Variants in CHST12 observed in about 807,000 individuals in gnomAD.
CHST12 encodes carbohydrate sulfotransferase 12.
Under a neutral mutation model 27.9 loss-of-function variants are expected in CHST12, and 23 were observed. The ratio of observed to expected loss-of-function variants is 0.82; its 90% CI spans 0.59 to 1.17. CHST12 has a LOEUF of 1.17. CHST12 is among the 50% of genes most tolerant of loss of function. The probability of loss-of-function intolerance (pLI) is 0.00; values close to 1 mark genes in which losing one functional copy is unlikely to be tolerated. For synonymous variants in CHST12, 322 were observed against 273.0 expected, an observed-to-expected ratio of 1.18 and a Z score of -1.77; for missense variants, 682 against 603.0, an observed-to-expected ratio of 1.13 and a Z score of -1.37.
chr7:2,412,990 T>C (rs540489834), intron 1 of CHST12, among the ~76,000 whole-genome samples: 1 of 152,252 alleles, frequency 6.6e-6, no homozygotes, highest in African/African-American at 2.4e-5. Context: ...TATTTGAGCC[T>C]GATGAAGACA....
chr7:2,432,706 A>C lies in CHST12; in HGVS notation c.67A>C (p.Ile23Leu), dbSNP rs1451715448. Reference protein sequence around the residue: ...LGSVFMILLIIVYWDSAGAAH... With the variant: ...LGSVFMILLILVYWDSAGAAH... ...GTCGGTGTTCATGATCCTGCTGATCATCGTGTACTGGGACAGCGCAGGCGC... is the reference window on the plus strand; with the variant it reads ...GTCGGTGTTCATGATCCTGCTGATCCTCGTGTACTGGGACAGCGCAGGCGC... Residue 23 changes from isoleucine to leucine, a missense_variant, in exon 2 of 2, where the codon ATC (isoleucine) becomes CTC (leucine). Ile to Leu is a conservative substitution (Grantham distance 5). Coordinates refer to ENST00000618655, the MANE Select transcript of CHST12 (RefSeq NM_018641.5). 1.2e-6 allele frequency: 2 copies of C among 1,613,766 alleles called. No homozygotes were observed. Among genetic ancestry groups the C allele is most frequent in the East Asian group, 2.2e-5 (1 of 44,880 alleles).
chr7:2,431,897 C>A (rs914942296), intron 1 of CHST12, among the ~76,000 whole-genome samples: 18 of 152,152 alleles, frequency 1.2e-4, no homozygotes, highest in Middle Eastern at 3.4e-3. Context: ...TTACTTATGA[C>A]ACCAATAGCA....
At chr7:2,408,556 G>A (rs1781583700) in intron 1 of CHST12, among the ~76,000 whole-genome samples, 1 of 152,118 alleles carries the variant, frequency 6.6e-6, no homozygotes, top group African/African-American at 2.4e-5. Context: ...AGAAGCAGAA[G>A]GGCTTGGGCT....
At chr7:2,416,619 C>G (rs116100622) in intron 1 of CHST12, among the ~76,000 whole-genome samples, 1 of 152,052 alleles carries the variant, frequency 6.6e-6, no homozygotes, top group Non-Finnish European at 1.5e-5. Context: ...AGATCTCAGT[C>G]GATTTAGAGG....
At chr7:2,431,865 G>A (rs188974282) in intron 1 of CHST12, among the ~76,000 whole-genome samples, 1 of 152,036 alleles carries the variant, frequency 6.6e-6, no homozygotes, top group Non-Finnish European at 1.5e-5. Context: ...GTGAAGTTAA[G>A]GAATGGTTCC....
At chr7:2,408,468 T>G (rs1224929123) in intron 1 of CHST12, among the ~76,000 whole-genome samples, 1 of 148,214 alleles carries the variant, frequency 6.7e-6, no homozygotes, top group African/African-American at 2.5e-5. Flanking sequence ...AAATCACAAA[T>G]AGGTCATCAC....
In CHST12 at chr7:2,433,398, C is replaced by T; in HGVS notation, c.759C>T (p.Ser253=). The T allele has an allele frequency of 1.2e-6, 2 of 1,609,610 alleles. No individual in the cohort carries two copies. The highest frequency in any genetic ancestry group is 1.7e-6 in the Non-Finnish European group (2 of 1,179,918). The change falls in exon 2 of 2, where the codon TCC becomes TCT. Residue 253 remains serine (S), a synonymous_variant. Transcript: ENST00000618655. The surrounding 1 kb of genome is among the most constrained non-coding windows in gnomAD (Gnocchi z 6.1). ...FVRDPFVRLI[S]AFRSKFELEN... ...GCGACCCCTTCGTGCGCCTGATCTC[C>T]GCCTTCCGCAGCAAGTTCGAGCTGG...
intron 1 of CHST12, among the ~76,000 whole-genome samples, chr7:2,405,465 G>T (rs955466559): frequency 6.6e-6 from 1 of 152,180 alleles, no homozygotes; most frequent in Non-Finnish European, 1.5e-5. Context: ...TTCTGATTGT[G>T]CAGGGGCCTG....
intron 1 of CHST12, among the ~76,000 whole-genome samples, chr7:2,406,220 T>C (rs1164533576): frequency 1.3e-5 from 2 of 152,130 alleles, no homozygotes; most frequent in Admixed American, 6.6e-5. Context: ...GGACTGTGGT[T>C]CTCCAGCCCT....
chr7:2,403,576 C>G, upstream of CHST12: 1 of 149,908 alleles, frequency 6.7e-6, no homozygotes, highest in Non-Finnish European at 1.5e-5. Context: ...GCGCCGGGGG[C>G]GGGGCCGGCG....
At chr7:2,419,327 G>C (rs1781900482) in intron 1 of CHST12, among the ~76,000 whole-genome samples, 1 of 147,924 alleles carries the variant, frequency 6.8e-6, no homozygotes. Flanking sequence ...AGGATCACTT[G>C]AGTGGGGAGG....
chr7:2,434,015 C>T lies in CHST12; in HGVS notation c.*131C>T, dbSNP rs956420243. 3.0e-5 allele frequency: 20 copies of T among 666,038 alleles called. No individual in the cohort carries two copies. The highest frequency in any genetic ancestry group is 5.9e-5 in the Admixed American group (2 of 34,002). The allele number at this position is 666,038 out of a possible 1,614,324, so 41.3% of individuals were successfully genotyped here. On this transcript the variant is annotated 3_prime_UTR_variant, in exon 2 of 2. Coordinates refer to ENST00000618655, the MANE Select transcript of CHST12 (RefSeq NM_018641.5). ...TGCCTCTATCCATTGAGTACTGTAT[C>T]GATATTGTTTTTTAAGATTAATATA...
In CHST12 at chr7:2,436,855, A is replaced by T. The variant is rs1782486296; in HGVS notation, c.*2971A>T. ...GGTTCCTGCAGAAGACACCACCCAC[A>T]TCCACGCACCTGCTCAGATTCCCGG... On this transcript the variant is annotated 3_prime_UTR_variant, in exon 2 of 2. Coordinates refer to ENST00000618655, the MANE Select transcript of CHST12 (RefSeq NM_018641.5). 1 of 152,144 alleles carries T rather than the reference A, an allele frequency of 6.6e-6. No individual in the cohort carries two copies. The highest frequency in any genetic ancestry group is 2.4e-5 in the African/African-American group (1 of 41,420). 9.4% of individuals were successfully genotyped at this position (152,144 alleles called of 1,614,324 possible).
intron 1 of CHST12, among the ~76,000 whole-genome samples, chr7:2,410,707 T>G (rs1201925003): frequency 6.6e-6 from 1 of 151,890 alleles, no homozygotes; most frequent in Non-Finnish European, 1.5e-5. Context: ...GGGATGGTGG[T>G]GCAGAGGCCC....
intron 1 of CHST12, among the ~76,000 whole-genome samples, chr7:2,414,838 A>G (rs140147083): frequency 6.6e-6 from 1 of 152,152 alleles, no homozygotes; most frequent in Non-Finnish European, 1.5e-5. Flanking sequence ...TCATGCAGAT[A>G]TCCAGTTGTT....
chr7:2,418,610 T>C (rs1170509451), intron 1 of CHST12, among the ~76,000 whole-genome samples: 2 of 152,188 alleles, frequency 1.3e-5, no homozygotes, highest in Non-Finnish European at 2.9e-5. Context: ...GTGTTGCCCA[T>C]GATGTGTTTT....
chr7:2,434,743 G>A lies in CHST12; in HGVS notation c.*859G>A, dbSNP rs1442607471. 6.6e-6 allele frequency: 1 copy of A among 151,904 alleles called. No individual in the cohort carries two copies. Among genetic ancestry groups the A allele is most frequent in the African/African-American group, 2.4e-5 (1 of 41,262 alleles). 9.4% of individuals were successfully genotyped at this position (151,904 alleles called of 1,614,324 possible). A position where few individuals can be genotyped will look rare whatever the true frequency, so the allele number is the denominator to read the frequency against. Reference sequence around the variant, plus strand: ...GATCGCGACATTGCACTCTAGCCTGGGTGACAGAGTGAGATTCCATCTCAA... The same window carrying A: ...GATCGCGACATTGCACTCTAGCCTGAGTGACAGAGTGAGATTCCATCTCAA... On this transcript the variant is annotated 3_prime_UTR_variant, in exon 2 of 2. Coordinates refer to ENST00000618655, the MANE Select transcript of CHST12 (RefSeq NM_018641.5).
At chr7:2,406,996 A>G (rs1471840659) in intron 1 of CHST12, among the ~76,000 whole-genome samples, 3 of 152,136 alleles carry the variant, frequency 2.0e-5, no homozygotes, top group African/African-American at 7.2e-5. Flanking sequence ...AAAAGCCACC[A>G]AAAGGAGTAT....
At chr7:2,423,038 G>A (rs1782018467) in intron 1 of CHST12, among the ~76,000 whole-genome samples, 1 of 151,968 alleles carries the variant, frequency 6.6e-6, no homozygotes, top group African/African-American at 2.4e-5. Flanking sequence ...CACTTTGGGA[G>A]GCTGAGGCAC....
Sources: allele counts gnomAD v4.1 joint callset (sites outside exome capture counted in the v4.1 genomes callset), GRCh38; gene constraint gnomAD v4.1.1; non-coding constraint Gnocchi (gnomAD v3.1); transcripts MANE v1.5; gene names NCBI Gene and HGNC (gene_info 2026-07-23, HGNC 2026-07-21).